The following PCSK2 variants were observed in gnomAD, a reference collection of about 807,000 sequenced individuals.
PCSK2 encodes the protein proprotein convertase subtilisin/kexin type 2.
A neutral mutation model predicts 69.7 loss-of-function variants in PCSK2; 14 were observed. The ratio of observed to expected loss-of-function variants is 0.20; its 90% CI spans 0.13 to 0.31. The LOEUF (loss-of-function observed/expected upper bound fraction) is 0.31, where lower values mean the gene tolerates loss of function less well. PCSK2 is among the 10% of genes least tolerant of loss of function. PCSK2 has a pLI of 1.00. For missense variants in PCSK2, 544 were observed against 842.5 expected (o/e 0.65, Z 4.39); for synonymous variants, 307 against 320.7 (o/e 0.96, Z 0.46).
chr20:17,348,050 GGAAAGAAAGAAAGAAAGAAAGAAAGAAA>G (rs200387593), intron 2 of PCSK2, among the ~76,000 whole-genome samples: 2 of 86,826 alleles, frequency 2.3e-5, no homozygotes, highest in African/African-American at 8.9e-5. Flanking sequence ...AAGAAAGAAA[GGAAAGAAAGAAAGAAAGAAAGAAAGAAA>G]GAAAGAAAGA....
At chr20:17,379,317 C>CATGG (rs2031022766) in intron 5 of PCSK2, among the ~76,000 whole-genome samples, 1 of 152,250 alleles carries the variant, frequency 6.6e-6, no homozygotes, top group African/African-American at 2.4e-5. Context: ...GCCACACCTA[C>CATGG]ATGGGATCAT....
intron 2 of PCSK2, among the ~76,000 whole-genome samples, chr20:17,284,861 C>T (rs1988457500): frequency 6.6e-6 from 1 of 152,182 alleles, no homozygotes; most frequent in Admixed American, 6.5e-5. Context: ...AGAGTGAAGT[C>T]ATGGGACAGG....
intron 2 of PCSK2, among the ~76,000 whole-genome samples, chr20:17,324,024 C>A (rs922187430): frequency 6.6e-6 from 1 of 152,208 alleles, no homozygotes; most frequent in Admixed American, 6.5e-5. Flanking sequence ...TGGACAAATA[C>A]CCCAGTTCCC....
intron 5 of PCSK2, among the ~76,000 whole-genome samples, chr20:17,371,221 C>T (rs1398324249): frequency 6.6e-6 from 1 of 152,204 alleles, no homozygotes; most frequent in Non-Finnish European, 1.5e-5. Context: ...CCGACCTCTG[C>T]ATCCTTCCCT....
intron 1 of PCSK2, among the ~76,000 whole-genome samples, chr20:17,237,313 A>G (rs1270186378): frequency 6.6e-6 from 1 of 152,244 alleles, no homozygotes; most frequent in East Asian, 1.9e-4. Context: ...TCAAGACACT[A>G]AAAGTAACAT....
At chr20:17,480,704 G>A in intron 11 of PCSK2, among the ~76,000 whole-genome samples, 1 of 152,194 alleles carries the variant, frequency 6.6e-6, no homozygotes, top group East Asian at 1.9e-4. Context: ...TAAGGAAGGG[G>A]AGAAAAGCCA....
chr20:17,327,975 C>T (rs772412333), intron 2 of PCSK2, among the ~76,000 whole-genome samples: 3 of 152,124 alleles, frequency 2.0e-5, no homozygotes, highest in Non-Finnish European at 2.9e-5. Context: ...AAGAAATTTG[C>T]TAAGCGGCTG....
At chr20:17,229,109 G>A (rs1192835467) in intron 1 of PCSK2, among the ~76,000 whole-genome samples, 1 of 151,982 alleles carries the variant, frequency 6.6e-6, no homozygotes, top group Non-Finnish European at 1.5e-5. Context: ...TAGTTATACG[G>A]AAGCTTACGT....
intron 1 of PCSK2, among the ~76,000 whole-genome samples, chr20:17,250,885 G>C (rs1600410619): frequency 6.6e-6 from 1 of 151,964 alleles, no homozygotes; most frequent in African/African-American, 2.4e-5. Flanking sequence ...AGATCACTTG[G>C]GGTCAGGAGT....
chr20:17,471,072 T>G (rs2033192108), intron 11 of PCSK2, among the ~76,000 whole-genome samples: 1 of 152,130 alleles, frequency 6.6e-6, no homozygotes, highest in South Asian at 2.1e-4. Context: ...GGACTTCTAA[T>G]GATCGTCAAG....
At chr20:17,351,715 C>T (rs2029993312) in intron 2 of PCSK2, among the ~76,000 whole-genome samples, 1 of 152,028 alleles carries the variant, frequency 6.6e-6, no homozygotes, top group Non-Finnish European at 1.5e-5. Flanking sequence ...TAATAACAGC[C>T]AGCTATGACA....
intron 11 of PCSK2, among the ~76,000 whole-genome samples, chr20:17,479,941 C>T (rs1305218541): frequency 8.6e-6 from 1 of 115,718 alleles, no homozygotes; most frequent in Non-Finnish European, 2.0e-5. Context: ...AGTCTGGAGT[C>T]TTGATGTTAC....
At chr20:17,271,421 A>G (rs182854704) in intron 2 of PCSK2, among the ~76,000 whole-genome samples, 28 of 152,188 alleles carry the variant, frequency 1.8e-4, no homozygotes, top group Admixed American at 1.3e-3. Context: ...AACCTTTGAT[A>G]GCTAAACAAG....
intron 2 of PCSK2, among the ~76,000 whole-genome samples, chr20:17,280,278 A>G (rs1309382651): frequency 1.3e-5 from 2 of 152,232 alleles, no homozygotes; most frequent in Admixed American, 1.3e-4. Context: ...TAATGACTGC[A>G]TAAGATTCCA....
chr20:17,257,464 A>T (rs60864897), intron 1 of PCSK2, among the ~76,000 whole-genome samples: 30 of 152,344 alleles, frequency 2.0e-4, no homozygotes, highest in African/African-American at 7.2e-4. Flanking sequence ...CTCTAAAGAT[A>T]CATGCACACA....
At chr20:17,327,672 G>A (rs935438535) in intron 2 of PCSK2, among the ~76,000 whole-genome samples, 2 of 152,360 alleles carry the variant, frequency 1.3e-5, no homozygotes, top group Non-Finnish European at 2.9e-5. Flanking sequence ...TGCTACCGCT[G>A]TGTCTCCGCC....
At chr20:17,298,532 G>A (rs1419496196) in intron 2 of PCSK2, among the ~76,000 whole-genome samples, 1 of 152,194 alleles carries the variant, frequency 6.6e-6, no homozygotes, top group Admixed American at 6.5e-5. Flanking sequence ...CAATAGTGTT[G>A]AGGCAGGAAA....
chr20:17,327,816 A>G (rs528014549), intron 2 of PCSK2, among the ~76,000 whole-genome samples: 2 of 152,376 alleles, frequency 1.3e-5, no homozygotes, highest in South Asian at 4.1e-4. Context: ...GATTGCCAGC[A>G]AACACACCAT....
intron 11 of PCSK2, chr20:17,479,278 A>T: frequency 2.0e-6 from 2 of 1,025,578 alleles, no homozygotes; most frequent in East Asian, 4.8e-5. Context: ...AGATGTGTTA[A>T]CGATAATTCC....
Sources: allele counts gnomAD v4.1 joint callset (sites outside exome capture counted in the v4.1 genomes callset), GRCh38; gene constraint gnomAD v4.1.1; transcripts MANE v1.5; gene names NCBI Gene and HGNC (gene_info 2026-07-23, HGNC 2026-07-21).